GNA15: variants seen among roughly 807,000 people sequenced by gnomAD.
GNA15 encodes the protein guanine nucleotide-binding protein subunit alpha-15.
A neutral mutation model predicts 40.1 loss-of-function variants in GNA15; 23 were observed. The ratio of observed to expected loss-of-function variants is 0.57; its 90% CI spans 0.41 to 0.81. The LOEUF (loss-of-function observed/expected upper bound fraction) is 0.81. GNA15 is among the 40% of genes least tolerant of loss of function. The pLI is 0.00. For synonymous variants in GNA15, 226 were observed against 210.4 expected (o/e 1.07, Z -0.64); for missense variants, 522 against 515.8 (o/e 1.01, Z -0.12).
rs1915005111 is a variant in GNA15, at chr19:3,155,980, C to T, written c.744+28C>T. ...GCGCCACCGCCTCCCTCGCCCTGCC[C>T]ACTTGTTGGCCCAGGGACCCTCACC... On this transcript the variant is annotated intron_variant, in intron 5 of 6. Transcript: ENST00000262958. This position sits in a 1 kb window ranked among gnomAD's most constrained non-coding sequence, Gnocchi z 5.6. 1 of 1,608,510 alleles carries T rather than the reference C, an allele frequency of 6.2e-7. No individual in the cohort carries two copies. Among genetic ancestry groups the T allele is most frequent in the South Asian group, 1.1e-5 (1 of 90,694 alleles).
At position 3,151,656 on chromosome 19, in the gene GNA15, G is replaced by A. The variant is rs1374044606; in HGVS notation, c.486-51G>A. On this transcript the variant is annotated intron_variant, in intron 3 of 6. Transcript: ENST00000262958. This position sits in a 1 kb window ranked among gnomAD's most constrained non-coding sequence, Gnocchi z 5.0. ...CTGGGCCTTTCGTAGGGCCTGGGAA[G>A]CAAAGGGAGGCTGGCTGCAAGGCTG... The A allele has an allele frequency of 3.3e-6, 5 of 1,509,420 alleles. No individual in the cohort carries two copies. The African/African-American group carries it at 7.0e-5, about 21-fold the overall frequency. 93.5% of individuals were successfully genotyped at this position (1,509,420 alleles called of 1,614,324 possible). A position where few individuals can be genotyped will look rare whatever the true frequency, so the allele number is the denominator to read the frequency against.
intron 4 of GNA15, among the ~76,000 whole-genome samples, chr19:3,154,434 T>C (rs1465922413): frequency 1.5e-5 from 2 of 133,076 alleles, no homozygotes; most frequent in Admixed American, 1.5e-4. Flanking sequence ...GATGAGTGAG[T>C]GGATAGATGG....
At position 3,136,979 on chromosome 19, in the gene GNA15, G is replaced by A. The variant is rs1025344624; in HGVS notation, c.145+384G>A. Among the ~76,000 whole-genome samples, 1 of 152,320 alleles carries A rather than the reference G, an allele frequency of 6.6e-6. No individual in the cohort carries two copies. Among genetic ancestry groups the A allele is most frequent in the Admixed American group, 6.5e-5 (1 of 15,292 alleles). The stretch of plus-strand genomic sequence containing the variant: ...TGGCCAGCCCACCCGTAAGGGAGGG[G>A]CCGGCTCCAGCCTCTCCTTCACCAG... On this transcript the variant is annotated intron_variant, in intron 1 of 6. Coordinates refer to ENST00000262958, the MANE Select transcript of GNA15 (RefSeq NM_002068.4). This position sits in a 1 kb window ranked among gnomAD's most constrained non-coding sequence, Gnocchi z 4.9.
At chr19:3,149,231 G>A (rs1356333653) in intron 2 of GNA15, 2 of 167,086 alleles carry the variant, frequency 1.2e-5, no homozygotes, top group Non-Finnish European at 2.6e-5. Flanking sequence ...CCATGCACGT[G>A]TACACACTCA....
At chr19:3,140,753 A>C (rs1290149376) in intron 1 of GNA15, among the ~76,000 whole-genome samples, 2 of 152,182 alleles carry the variant, frequency 1.3e-5, no homozygotes, top group Non-Finnish European at 2.9e-5. Context: ...TGAATGAATG[A>C]ATGAATGAAT....
At chr19:3,138,885 G>A (rs1254720101) in intron 1 of GNA15, among the ~76,000 whole-genome samples, 17 of 141,580 alleles carry the variant, frequency 1.2e-4, no homozygotes, top group Admixed American at 1.1e-3. Flanking sequence ...TGATCAACCC[G>A]CCTTGGCCTC....
rs117615573 is a variant in GNA15, at chr19:3,157,510, C to T, written c.745-218C>T. 7.0e-4 allele frequency among the ~76,000 whole-genome samples: 107 copies of T among 152,276 alleles called. No individual in the cohort carries two copies. The East Asian group carries it at 0.016, about 23-fold the overall frequency. On this transcript the variant is annotated intron_variant, in intron 5 of 6. Transcript: ENST00000262958. ...TGAAGCTCTGGGGGGACATGAATTT[C>T]GGGAGGACACACTTCCAACCAGCAC...
chr19:3,146,585 C>G (rs1216424256), intron 1 of GNA15: 3 of 152,164 alleles, frequency 2.0e-5, no homozygotes, highest in Non-Finnish European at 4.4e-5. Flanking sequence ...TACCATCTGT[C>G]AGCAAGGTCA....
At chr19:3,152,183 TG>T (rs1439551121) in intron 4 of GNA15, among the ~76,000 whole-genome samples, 2 of 152,090 alleles carry the variant, frequency 1.3e-5, no homozygotes, top group Non-Finnish European at 2.9e-5. Flanking sequence ...GGACCAGGTC[TG>T]GGGAGGCCTG....
chr19:3,141,794 G>A (rs1914582328), intron 1 of GNA15: 1 of 152,798 alleles, frequency 6.5e-6, no homozygotes, highest in African/African-American at 2.4e-5. Flanking sequence ...ACACAGCTGA[G>A]ACTCGCACCT....
intron 1 of GNA15, among the ~76,000 whole-genome samples, chr19:3,138,951 T>G (rs999463631): frequency 4.3e-5 from 6 of 138,884 alleles, no homozygotes; most frequent in African/African-American, 8.1e-5. Context: ...TTTTTTTTTT[T>G]TTTCTTTTTT....
At chr19:3,145,360 T>TATATATATATATATATA (rs1555705683) in intron 1 of GNA15, among the ~76,000 whole-genome samples, 690 of 21,310 alleles carry the variant, frequency 0.032, 1 homozygote, top group Middle Eastern at 0.05. Context: ...TATATATATA[T>TATATATATATATATATA]TTTTTTTTTT....
At chr19:3,144,754 T>C (rs1188005245) in intron 1 of GNA15, among the ~76,000 whole-genome samples, 1 of 151,646 alleles carries the variant, frequency 6.6e-6, no homozygotes, top group East Asian at 1.9e-4. Flanking sequence ...GGTCTCGATC[T>C]CCTGACCTCG....
rs1443665221 is a variant in GNA15, at chr19:3,150,154, C to T, written c.354C>T (p.Ser118=). 1.2e-6 allele frequency: 2 copies of T among 1,613,266 alleles called. No individual in the cohort carries two copies. The highest frequency in any genetic ancestry group is 1.7e-6 in the Non-Finnish European group (2 of 1,179,898). Residue 118 remains serine, a synonymous_variant, in exon 3 of 7, where the codon AGC becomes AGT. Coordinates refer to ENST00000262958, the MANE Select transcript of GNA15 (RefSeq NM_002068.4). The stretch of plus-strand genomic sequence containing the variant: ...AGCACCACGCTAGCCTGGTCATGAG[C>T]CAGGACCCCTATAAAGTGACCACGT... ...ESKHHASLVM[S]QDPYKVTTFE...
chr19:3,158,858 A>G (rs1184804453), intron 6 of GNA15, among the ~76,000 whole-genome samples: 1 of 151,438 alleles, frequency 6.6e-6, no homozygotes, highest in Non-Finnish European at 1.5e-5. Flanking sequence ...CTGGTCTCGA[A>G]CTGACCTCAA....
chr19:3,150,140 A>C lies in GNA15; in HGVS notation c.340A>C (p.Ser114Arg), dbSNP rs774583770. ...CGTCCTCCCTCCCCAGCACCACGCT[A>C]GCCTGGTCATGAGCCAGGACCCCTA... is the stretch of plus-strand genomic sequence containing the variant. ...FSRPESKHHA[S>R]LVMSQDPYKV... The change falls in exon 3 of 7, where the codon AGC becomes CGC. Residue 114 changes from serine (S) to arginine (R), a missense_variant. Transcript: ENST00000262958. The C allele has an allele frequency of 6.2e-7, 1 of 1,613,062 alleles. No homozygotes were observed. The highest frequency in any genetic ancestry group is 1.3e-5 in the African/African-American group (1 of 74,932).
rs538944039 is a variant in GNA15, at chr19:3,151,417, G to A, written c.486-290G>A. ...AGGCTACCAGCATTCTTGGGGTAGC[G>A]CCACCCCTGCCATAGCAGCTCTCCC... On this transcript the variant is annotated intron_variant, in intron 3 of 6. Transcript: ENST00000262958. The surrounding 1 kb of genome is among the most constrained non-coding windows in gnomAD (Gnocchi z 5.0). 6.6e-5 allele frequency among the ~76,000 whole-genome samples: 10 copies of A among 152,210 alleles called. No individual in the cohort carries two copies. The highest frequency in any genetic ancestry group is 1.2e-4 in the African/African-American group (5 of 41,516).
At chr19:3,140,833 C>G (rs1914560697) in intron 1 of GNA15, among the ~76,000 whole-genome samples, 1 of 152,190 alleles carries the variant, frequency 6.6e-6, no homozygotes, top group Non-Finnish European at 1.5e-5. Flanking sequence ...GGGAAAGTCC[C>G]TTCCACATAC....
In GNA15 at chr19:3,138,939, C is replaced by CTT. The variant is rs35552360; in HGVS notation, c.145+2358_145+2359dup. On this transcript the variant is annotated intron_variant, in intron 1 of 6. Transcript: ENST00000262958. ...AGGCGTGAGCCACCGCGCCCAGCCT[C>CTT]TTTTTTTTTTTTTTTCTTTTTTTTT... 1.1e-3 allele frequency among the ~76,000 whole-genome samples: 115 copies of CTT among 105,616 alleles called. 8 individuals carry two copies. The highest frequency in any genetic ancestry group is 1.7e-3 in the African/African-American group (46 of 27,846). 69.3% of individuals were successfully genotyped at this position (105,616 alleles called of 152,430 possible). A position where few individuals can be genotyped will look rare whatever the true frequency, so the allele number is the denominator to read the frequency against.
Sources: gnomAD v4.1 joint callset for allele counts (sites outside exome capture counted in the v4.1 genomes callset) on GRCh38, gnomAD v4.1.1 for gene constraint, Gnocchi (gnomAD v3.1) non-coding constraint, MANE v1.5 for transcripts, NCBI Gene and HGNC (gene_info 2026-07-23, HGNC 2026-07-21) for gene names.